The following GALNTL5 variants were observed in gnomAD, a reference collection of about 807,000 sequenced individuals.
The protein encoded by GALNTL5 is inactive polypeptide N-acetylgalactosaminyltransferase-like protein 5.
Under a neutral mutation model 51.0 loss-of-function variants are expected in GALNTL5, and 44 were observed. The ratio of observed to expected loss-of-function variants is 0.86; its 90% confidence interval spans 0.68 to 1.11. The LOEUF is 1.11. Among genes scored for constraint, GALNTL5 ranks in the 50% least tolerant of loss-of-function variants. GALNTL5 has a pLI of 0.00. For synonymous variants in GALNTL5, 192 were observed against 182.8 expected (o/e 1.05, Z -0.41); for missense variants, 528 against 531.8 (o/e 0.99, Z 0.07).
chr7:151,961,871 A>G (rs780015034), intron 1 of GALNTL5, among the ~76,000 whole-genome samples: 1 of 152,234 alleles, frequency 6.6e-6, no homozygotes, highest in Non-Finnish European at 1.5e-5. Flanking sequence ...GCATACATAT[A>G]AAAAATAAAA....
chr7:151,963,821 T>A (rs2081023803), intron 1 of GALNTL5, among the ~76,000 whole-genome samples: 1 of 152,226 alleles, frequency 6.6e-6, no homozygotes, highest in Admixed American at 6.5e-5. Context: ...CCTTCTTTGA[T>A]CTCTCTGAGC....
At chr7:152,018,676 G>A (rs2081849927) in intron 8 of GALNTL5, among the ~76,000 whole-genome samples, 1 of 152,068 alleles carries the variant, frequency 6.6e-6, no homozygotes, top group African/African-American at 2.4e-5. Flanking sequence ...TGTGCCTAAG[G>A]TCATCCATGC....
At position 151,983,137 on chromosome 7, in the gene GALNTL5, G is replaced by A. The variant is rs2081315454; in HGVS notation, c.520G>A (p.Asp174Asn). ...YFLEEIILVD[D>N]MSKVDDLKEK... ...TCTTGAAGAAATTATTTTGGTAGATGACATGAGCAAAGTTGGTAAGATAGA... is the reference window on the plus strand; with the variant it reads ...TCTTGAAGAAATTATTTTGGTAGATAACATGAGCAAAGTTGGTAAGATAGA... The change falls in exon 4 of 9, where the codon GAC (aspartate) becomes AAC (asparagine). Residue 174 changes from aspartate to asparagine, a missense_variant. Coordinates refer to ENST00000392800, the MANE Select transcript of GALNTL5 (RefSeq NM_145292.4). The A allele has an allele frequency of 1.2e-6, 2 of 1,613,728 alleles. No homozygotes were observed. Among genetic ancestry groups the A allele is most frequent in the Non-Finnish European group, 1.7e-6 (2 of 1,179,738 alleles).
At chr7:151,978,904 C>G (rs2081239831) in intron 3 of GALNTL5, among the ~76,000 whole-genome samples, 1 of 152,114 alleles carries the variant, frequency 6.6e-6, no homozygotes, top group Non-Finnish European at 1.5e-5. Flanking sequence ...TACAACAGCT[C>G]TTTTTCCAAA....
chr7:152,003,476 A>C (rs1413619580), intron 6 of GALNTL5, among the ~76,000 whole-genome samples: 3 of 152,228 alleles, frequency 2.0e-5, no homozygotes, highest in Admixed American at 2.0e-4. Context: ...TGTCGTCCTC[A>C]TCTGTTAAAC....
chr7:152,002,189 A>G (rs891951523), intron 5 of GALNTL5, among the ~76,000 whole-genome samples: 2 of 152,140 alleles, frequency 1.3e-5, no homozygotes, highest in Admixed American at 1.3e-4. Context: ...CTGAGGCAGG[A>G]GAATTGCTTG....
chr7:151,976,491 T>C (rs1371966998), intron 3 of GALNTL5, among the ~76,000 whole-genome samples: 1 of 152,194 alleles, frequency 6.6e-6, no homozygotes, highest in Non-Finnish European at 1.5e-5. Context: ...TTCCATCTCA[T>C]CACTTTTAAT....
intron 7 of GALNTL5, 139 bp downstream of exon 7, chr7:152,008,083 T>G (rs1450599360): frequency 1.7e-6 from 1 of 588,872 alleles, no homozygotes; most frequent in African/African-American, 1.9e-5. Flanking sequence ...AAACAATTTA[T>G]GGGGCTCCTT....
At chr7:151,962,905 G>C (rs1051252876) in intron 1 of GALNTL5, among the ~76,000 whole-genome samples, 1 of 152,072 alleles carries the variant, frequency 6.6e-6, no homozygotes, top group Non-Finnish European at 1.5e-5. Flanking sequence ...CACCATGCCC[G>C]GCCCATGTCT....
intron 6 of GALNTL5, among the ~76,000 whole-genome samples, chr7:152,006,785 G>T (rs891756183): frequency 6.6e-5 from 10 of 151,870 alleles, no homozygotes; most frequent in East Asian, 5.8e-4. Context: ...TTTTTTTTGG[G>T]GGGGGCGGGA....
At chr7:152,003,049 G>T in intron 6 of GALNTL5, 86 bp downstream of exon 6, 2 of 1,171,586 alleles carry the variant, frequency 1.7e-6, no homozygotes, top group Non-Finnish European at 2.4e-6. Flanking sequence ...ATTCTTTCAA[G>T]TTCTTGGGCT....
intron 3 of GALNTL5, among the ~76,000 whole-genome samples, chr7:151,979,324 C>G (rs969175353): frequency 1.4e-5 from 2 of 147,684 alleles, no homozygotes; most frequent in Non-Finnish European, 3.0e-5. Flanking sequence ...CCATGTTAGC[C>G]AGGATGGTCT....
At chr7:151,959,017 A>G (rs35379008) in intron 1 of GALNTL5, among the ~76,000 whole-genome samples, 9,693 of 152,146 alleles carry the variant, frequency 0.064, 367 homozygotes, top group Non-Finnish European at 0.092. Flanking sequence ...AAATAACACC[A>G]TTTGATTGGC....
intron 5 of GALNTL5, among the ~76,000 whole-genome samples, chr7:151,992,661 C>T (rs1314615412): frequency 1.3e-5 from 2 of 152,224 alleles, no homozygotes; most frequent in Non-Finnish European, 1.5e-5. Flanking sequence ...TCTGCAAAGA[C>T]TCTGTTTCCA....
At chr7:152,018,784 A>C (rs1025056382) in intron 8 of GALNTL5, among the ~76,000 whole-genome samples, 5 of 152,156 alleles carry the variant, frequency 3.3e-5, no homozygotes, top group African/African-American at 9.7e-5. Context: ...ATGCGATGGC[A>C]AAGACCTACA....
In GALNTL5 at chr7:152,007,861, C is replaced by T. The variant is rs138467455; in HGVS notation, c.943C>T (p.Arg315Cys). The T allele has an allele frequency of 1.9e-5, 31 of 1,611,738 alleles. No homozygotes were observed. The highest frequency in any genetic ancestry group is 1.3e-4 in the East Asian group (6 of 44,814). Residue 315 changes from arginine to cysteine, a missense_variant, in exon 7 of 9, where the codon CGT becomes TGT. Coordinates refer to ENST00000392800, the MANE Select transcript of GALNTL5 (RefSeq NM_145292.4). ...PAMSGGIFAI[R>C]RHYFNEIGQY... ...AATGTCTGGAGGAATTTTTGCTATA[C>T]GTCGGCATTATTTTAATGAAATTGG...
At chr7:151,998,067 G>C (rs919015300) in intron 5 of GALNTL5, among the ~76,000 whole-genome samples, 1 of 152,046 alleles carries the variant, frequency 6.6e-6, no homozygotes, top group African/African-American at 2.4e-5. Flanking sequence ...AAGTAGGCGA[G>C]TGTGTTGGTG....
chr7:152,009,795 C>T (rs748640467), intron 7 of GALNTL5, among the ~76,000 whole-genome samples: 1 of 152,144 alleles, frequency 6.6e-6, no homozygotes, highest in Non-Finnish European at 1.5e-5. Context: ...CTCTGATCGC[C>T]GAGGGTCTGT....
chr7:151,994,609 C>G (rs888212675), intron 5 of GALNTL5, among the ~76,000 whole-genome samples: 1 of 152,092 alleles, frequency 6.6e-6, no homozygotes, highest in Non-Finnish European at 1.5e-5. Flanking sequence ...GATTGGCTTC[C>G]CCTGGAACGT....
Sources: gnomAD v4.1 joint callset for allele counts (sites outside exome capture counted in the v4.1 genomes callset) on GRCh38, gnomAD v4.1.1 for gene constraint, MANE v1.5 for transcripts, NCBI Gene and HGNC (gene_info 2026-07-23, HGNC 2026-07-21) for gene names.